Variants in LRCH2 observed in about 807,000 individuals in gnomAD.
LRCH2 encodes leucine-rich repeat and calponin homology domain-containing protein 2.
A neutral mutation model predicts 68.9 loss-of-function variants in LRCH2; 38 were observed. The ratio of observed to expected loss-of-function variants is 0.55; its 90% CI spans 0.43 to 0.72. The LOEUF (loss-of-function observed/expected upper bound fraction) is 0.72. Among genes scored for constraint, LRCH2 ranks in the 30% least tolerant of loss-of-function variants. LRCH2 has a pLI of 0.00. For missense variants in LRCH2, 528 were observed against 572.9 expected, an observed-to-expected ratio of 0.92 and a Z score of 0.80; for synonymous variants, 191 against 208.1, an observed-to-expected ratio of 0.92 and a Z score of 0.71.
chrX:115,197,847 T>TCTCTCTCTCTCACACACA lies in LRCH2; in HGVS notation c.350-9478_350-9477insTGTGTGTGAGAGAGAGAG, dbSNP rs782358260. Reference sequence around the variant, plus strand: ...CTCTCTCTCTCTCTCTCTCTCTCTCTCACACACACACACACACACACACAC... The same window carrying TCTCTCTCTCTCACACACA: ...CTCTCTCTCTCTCTCTCTCTCTCTCTCTCTCTCTCTCACACACACACACACACACACACACACACACAC... On this transcript the variant is annotated intron_variant, in intron 1 of 20. Transcript: ENST00000317135. Among the ~76,000 whole-genome samples, 27 of 20,563 alleles carry TCTCTCTCTCTCACACACA rather than the reference T, an allele frequency of 1.3e-3. 1 individual carries two copies. The highest frequency in any genetic ancestry group is 2.3e-3 in the Admixed American group (2 of 882). The allele number at this position is 20,563 out of a possible 115,157, so 17.9% of individuals were successfully genotyped here. A position where few individuals can be genotyped will look rare whatever the true frequency, so the allele number is the denominator to read the frequency against.
At chrX:115,232,251 G>GAAA (rs367690522) in intron 1 of LRCH2, among the ~76,000 whole-genome samples, 3 of 43,912 alleles carry the variant, frequency 6.8e-5, no homozygotes, top group African/African-American at 2.4e-4. Context: ...AGAACAATAA[G>GAAA]AAAAAAAAAA....
chrX:115,218,429 C>G (rs781867252), intron 1 of LRCH2, among the ~76,000 whole-genome samples: 1 of 112,467 alleles, frequency 8.9e-6, no homozygotes, highest in South Asian at 3.6e-4. Context: ...ACAAAAGGAC[C>G]AGAGACTAGC....
At chrX:115,198,257 T>C (rs192322522) in intron 1 of LRCH2, among the ~76,000 whole-genome samples, 1 of 110,920 alleles carries the variant, frequency 9.0e-6, no homozygotes, top group Admixed American at 9.6e-5. Context: ...ACGAAACTTT[T>C]CCAAGTATAG....
At position 115,230,583 on chromosome X, in the gene LRCH2, C is replaced by T. The variant is rs895485137; in HGVS notation, c.349+3110G>A. ...CACCAAAGATAAACTCTGCAAACAG[C>T]TGCCTAAAATACATTTTCCCTCATA... On this transcript the variant is annotated intron_variant, in intron 1 of 20. Coordinates refer to ENST00000317135, the MANE Select transcript of LRCH2 (RefSeq NM_020871.4). Among the ~76,000 whole-genome samples the T allele has an allele frequency of 1.8e-5, 2 of 111,374 alleles. 1 individual carries two copies. Among genetic ancestry groups the T allele is most frequent in the African/African-American group, 6.5e-5 (2 of 30,667 alleles).
At chrX:115,215,948 C>T (rs1457427150) in intron 1 of LRCH2, among the ~76,000 whole-genome samples, 3 of 111,177 alleles carry the variant, frequency 2.7e-5, no homozygotes, top group African/African-American at 9.8e-5. Flanking sequence ...GTCCTTAAAA[C>T]TGTTCATAAT....
At chrX:115,139,182 A>G (rs2072315018) in intron 14 of LRCH2, 1 of 112,077 alleles carries the variant, frequency 8.9e-6, no homozygotes, top group African/African-American at 3.2e-5. Context: ...ACTCTGACTC[A>G]GAATAAATCA....
chrX:115,146,337 GAATA>G (rs2072382196), intron 14 of LRCH2, among the ~76,000 whole-genome samples: 1 of 111,023 alleles, frequency 9.0e-6, no homozygotes, highest in Non-Finnish European at 1.9e-5. Flanking sequence ...ATAAAAAATA[GAATA>G]AATAAGACCT....
At chrX:115,179,298 A>G (rs2072674231) in intron 5 of LRCH2, 129 bp downstream of exon 5, 2 of 514,417 alleles carry the variant, frequency 3.9e-6, no homozygotes, top group African/African-American at 4.9e-5. Flanking sequence ...ATGCTCAGAA[A>G]AACTTTAGAC....
At chrX:115,197,366 G>A (rs1431443593) in intron 1 of LRCH2, among the ~76,000 whole-genome samples, 1 of 111,792 alleles carries the variant, frequency 8.9e-6, no homozygotes, top group African/African-American at 3.3e-5. Flanking sequence ...AGCTCAATGA[G>A]ATGCCAGAGA....
At chrX:115,123,010 G>A in intron 18 of LRCH2, 70 bp downstream of exon 18, 1 of 1,098,087 alleles carries the variant, frequency 9.1e-7, no homozygotes, top group Non-Finnish European at 1.2e-6. Flanking sequence ...AATGAAATCT[G>A]TACGCCTTAT....
intron 14 of LRCH2, among the ~76,000 whole-genome samples, chrX:115,138,384 A>G (rs1253876069): frequency 9.0e-6 from 1 of 111,655 alleles, no homozygotes; most frequent in East Asian, 2.8e-4. Flanking sequence ...TTCTTTCATC[A>G]GACTTAGCAT....
chrX:115,151,589 A>G (rs1194381094), intron 12 of LRCH2, among the ~76,000 whole-genome samples: 1 of 111,894 alleles, frequency 8.9e-6, no homozygotes, highest in Non-Finnish European at 1.9e-5. Context: ...AACAATCAAA[A>G]TTAAATACTA....
At chrX:115,149,698 G>A in intron 14 of LRCH2, 129 bp downstream of exon 14, 1 of 422,605 alleles carries the variant, frequency 2.4e-6, no homozygotes, top group Non-Finnish European at 4.1e-6. Flanking sequence ...CCATATATGT[G>A]AGAAATCAAA....
At chrX:115,205,718 C>T (rs2072961489) in intron 1 of LRCH2, among the ~76,000 whole-genome samples, 2 of 111,474 alleles carry the variant, frequency 1.8e-5, no homozygotes, top group African/African-American at 6.5e-5. Flanking sequence ...GCAGGTGAAT[C>T]ACAAGGTCAA....
chrX:115,140,252 C>A (rs1315002483), intron 14 of LRCH2, among the ~76,000 whole-genome samples: 1 of 111,072 alleles, frequency 9.0e-6, no homozygotes, highest in Non-Finnish European at 1.9e-5. Context: ...TAGACATATA[C>A]CCCTGGGCAA....
intron 14 of LRCH2, among the ~76,000 whole-genome samples, chrX:115,130,417 C>G (rs782710261): frequency 1.9e-4 from 21 of 111,925 alleles, no homozygotes; most frequent in Admixed American, 8.6e-4. Flanking sequence ...TTATACAGAT[C>G]AAGTAACATT....
At position 115,231,810 on chromosome X, in the gene LRCH2, T is replaced by C. The variant is rs1208384486; in HGVS notation, c.349+1883A>G. Among the ~76,000 whole-genome samples, 5 of 111,843 alleles carry C rather than the reference T, an allele frequency of 4.5e-5. No individual in the cohort carries two copies. The Admixed American group carries it at 4.8e-4, about 11-fold the overall frequency. On this transcript the variant is annotated intron_variant, in intron 1 of 20. Transcript: ENST00000317135. The stretch of plus-strand genomic sequence containing the variant: ...ACAAGTATATGGCTTACACCCTGCC[T>C]TTTAAGGGGCTCTATTTCTTCTCAG...
rs181369413 is a variant in LRCH2, at chrX:115,197,759, C to A, written c.350-9389G>T. Among the ~76,000 whole-genome samples the A allele has an allele frequency of 5.8e-5, 6 of 103,037 alleles. No individual in the cohort carries two copies. The East Asian group carries it at 1.8e-3, about 32-fold the overall frequency. 89.5% of individuals were successfully genotyped at this position (103,037 alleles called of 115,157 possible). On this transcript the variant is annotated intron_variant, in intron 1 of 20. Coordinates refer to ENST00000317135, the MANE Select transcript of LRCH2 (RefSeq NM_020871.4). ...AGAAAAAGTCTCTCTCTCTCTTTCT[C>A]TCTCTCTCTCTCTCTCACTCTCGCT...
chrX:115,165,544 A>G lies in LRCH2; in HGVS notation c.1296+14T>C, dbSNP rs1556544274. On this transcript the variant is annotated intron_variant, in intron 9 of 20. Coordinates refer to ENST00000317135, the MANE Select transcript of LRCH2 (RefSeq NM_020871.4). The stretch of plus-strand genomic sequence containing the variant: ...GAGAACATGTTATTAATATTTGTTC[A>G]AAGTTTTATTTACCTTAAAGAATGA... 1.8e-6 allele frequency: 2 copies of G among 1,121,655 alleles called. No individual in the cohort carries two copies. The highest frequency in any genetic ancestry group is 2.7e-5 in the Admixed American group (1 of 37,062). 92.4% of individuals were successfully genotyped at this position (1,121,655 alleles called of 1,213,427 possible).
Sources: allele counts gnomAD v4.1 joint callset (sites outside exome capture counted in the v4.1 genomes callset), GRCh38; gene constraint gnomAD v4.1.1; transcripts MANE v1.5; gene names NCBI Gene and HGNC (gene_info 2026-07-23, HGNC 2026-07-21).